The following TNS3 variants were observed in gnomAD, a reference collection of about 807,000 sequenced individuals.
TNS3 encodes the protein tensin-3.
TNS3 carries 45 observed loss-of-function variants against 140.9 expected under a neutral mutation model. That is an observed-to-expected ratio of 0.32 (90% CI 0.25 to 0.41). The LOEUF (loss-of-function observed/expected upper bound fraction) is 0.41, where lower values mean the gene tolerates loss of function less well. Among genes scored for constraint, TNS3 ranks in the 10% least tolerant of loss-of-function variants. The probability of loss-of-function intolerance (pLI) is 1.00; values close to 1 mark genes in which losing one functional copy is unlikely to be tolerated. For missense variants in TNS3, 1,716 were observed against 1,906.7 expected, an observed-to-expected ratio of 0.90 and a Z score of 1.86; for synonymous variants, 815 against 788.4, an observed-to-expected ratio of 1.03 and a Z score of -0.56.
chr7:47,325,085 G>C lies in TNS3; in HGVS notation c.2650+19670C>G, dbSNP rs114252885. Among the ~76,000 whole-genome samples the C allele has an allele frequency of 1.9e-3, 286 of 152,192 alleles. 1 individual carries two copies. Among genetic ancestry groups the C allele is most frequent in the Middle Eastern group, 3.4e-3 (1 of 294 alleles). ...GAAGCATGATGGACCGTGTGGTTTT[G>C]TGTATCCATTACTCCCATCAACAGA... On this transcript the variant is annotated intron_variant, in intron 20 of 30. Coordinates refer to ENST00000311160, the MANE Select transcript of TNS3 (RefSeq NM_022748.12).
intron 20 of TNS3, among the ~76,000 whole-genome samples, chr7:47,330,347 CT>C (rs1380454453): frequency 3.9e-5 from 6 of 152,220 alleles, no homozygotes; most frequent in African/African-American, 1.4e-4. Flanking sequence ...GGCTCAGGCC[CT>C]TTGCAGGCAT....
In TNS3 at chr7:47,407,741, A is replaced by C. The variant is rs1008101739; in HGVS notation, c.723+3986T>G. On this transcript the variant is annotated intron_variant, in intron 13 of 30. Transcript: ENST00000311160. This position sits in a 1 kb window ranked among gnomAD's most constrained non-coding sequence, Gnocchi z 4.1. ...AATGAATGATAACTGGTGTCCTTGT[A>C]AGAAGAGATGAGGACATAGACACAC... 1.3e-5 allele frequency among the ~76,000 whole-genome samples: 2 copies of C among 152,142 alleles called. No individual in the cohort carries two copies. The highest frequency in any genetic ancestry group is 2.9e-5 in the Non-Finnish European group (2 of 68,020).
chr7:47,359,889 G>A (rs960406272), intron 17 of TNS3, among the ~76,000 whole-genome samples: 1 of 152,282 alleles, frequency 6.6e-6, no homozygotes, highest in Non-Finnish European at 1.5e-5. Context: ...GGACTGAGCA[G>A]AAGGTGGGCT....
chr7:47,534,031 T>C lies in TNS3; in HGVS notation c.-264-4884A>G, dbSNP rs775559083. ...GCTCATGCCTGTAATCCCAGCATTT[T>C]GGGACGCCGAGGCGGGTTGATCACC... On this transcript the variant is annotated intron_variant, in intron 1 of 30. Coordinates refer to ENST00000311160, the MANE Select transcript of TNS3 (RefSeq NM_022748.12). 3.9e-5 allele frequency among the ~76,000 whole-genome samples: 6 copies of C among 152,238 alleles called. No individual in the cohort carries two copies. The Middle Eastern group carries it at 0.01, about 259-fold the overall frequency.
chr7:47,427,576 G>T (rs1794723845), intron 9 of TNS3, among the ~76,000 whole-genome samples: 1 of 152,142 alleles, frequency 6.6e-6, no homozygotes, highest in Admixed American at 6.5e-5. Context: ...TCTGGGAAGG[G>T]TCCGGGTGTA....
At chr7:47,442,273 G>A (rs993566775) in intron 4 of TNS3, among the ~76,000 whole-genome samples, 4 of 152,226 alleles carry the variant, frequency 2.6e-5, no homozygotes, top group Non-Finnish European at 4.4e-5. Context: ...ACCAGCATCA[G>A]GACGGGCTTT....
At chr7:47,347,076 C>T (rs780541864) in intron 17 of TNS3, among the ~76,000 whole-genome samples, 1 of 152,184 alleles carries the variant, frequency 6.6e-6, no homozygotes, top group African/African-American at 2.4e-5. Flanking sequence ...GAAAAACCTG[C>T]TGCCGGCTAT....
chr7:47,472,894 T>G (rs376466752), intron 4 of TNS3, among the ~76,000 whole-genome samples: 5,785 of 151,918 alleles, frequency 0.038, 161 homozygotes, highest in Non-Finnish European at 0.059. Flanking sequence ...GAGATGGGGG[T>G]GAGGGTCATC....
At chr7:47,522,154 T>C (rs977888781) in intron 2 of TNS3, among the ~76,000 whole-genome samples, 24 of 152,302 alleles carry the variant, frequency 1.6e-4, no homozygotes, top group African/African-American at 5.5e-4. Flanking sequence ...GGGGACACCA[T>C]ATCCCCCGCC....
chr7:47,445,053 A>T (rs1186608626), intron 4 of TNS3, among the ~76,000 whole-genome samples: 1 of 152,184 alleles, frequency 6.6e-6, no homozygotes, highest in Admixed American at 6.5e-5. Context: ...GGAGGAATTC[A>T]GCCCGTCCCC....
intron 30 of TNS3, chr7:47,279,067 G>A (rs967817816): frequency 6.6e-5 from 10 of 152,392 alleles, no homozygotes; most frequent in African/African-American, 2.4e-4. Flanking sequence ...GTGGGAGTGT[G>A]CCCAGAACAC....
intron 4 of TNS3, among the ~76,000 whole-genome samples, chr7:47,477,843 T>C (rs373218077): frequency 1.3e-4 from 20 of 152,302 alleles, no homozygotes; most frequent in African/African-American, 3.8e-4. Context: ...GAAACCCTCC[T>C]GCCCAAGCTC....
intron 4 of TNS3, among the ~76,000 whole-genome samples, chr7:47,459,984 T>G (rs1238967840): frequency 6.6e-6 from 1 of 151,942 alleles, no homozygotes; most frequent in East Asian, 1.9e-4. Context: ...CCTAATCCAG[T>G]ATGAGTGGTG....
At chr7:47,561,873 C>T (rs1800325430) in intron 1 of TNS3, among the ~76,000 whole-genome samples, 1 of 152,134 alleles carries the variant, frequency 6.6e-6, no homozygotes, top group Non-Finnish European at 1.5e-5. Flanking sequence ...ACTATGCAGA[C>T]AGAAAGGCCA....
intron 1 of TNS3, among the ~76,000 whole-genome samples, chr7:47,556,716 G>A (rs1800205117): frequency 6.6e-6 from 1 of 152,204 alleles, no homozygotes; most frequent in Non-Finnish European, 1.5e-5. Context: ...CAAAGCAGAG[G>A]CATAACAGCT....
chr7:47,550,883 G>C (rs1800042457), intron 1 of TNS3, among the ~76,000 whole-genome samples: 1 of 152,128 alleles, frequency 6.6e-6, no homozygotes, highest in South Asian at 2.1e-4. Context: ...AAACAAAACA[G>C]ACCTAAGTTT....
At chr7:47,474,154 TAAA>T (rs1380763378) in intron 4 of TNS3, among the ~76,000 whole-genome samples, 1 of 94,396 alleles carries the variant, frequency 1.1e-5, no homozygotes, top group Non-Finnish European at 2.2e-5. Flanking sequence ...ACAACACACA[TAAA>T]AAAACCTCAC....
intron 1 of TNS3, among the ~76,000 whole-genome samples, chr7:47,565,902 G>A (rs1020780232): frequency 6.6e-6 from 1 of 152,156 alleles, no homozygotes; most frequent in Non-Finnish European, 1.5e-5. Context: ...TCACACGGGC[G>A]CTGGGAGGCT....
chr7:47,303,029 G>A lies in TNS3; in HGVS notation c.3378C>T (p.Ser1126=), dbSNP rs369933759. 116 of 1,614,072 alleles carry A rather than the reference G, an allele frequency of 7.2e-5. No individual in the cohort carries two copies. The Middle Eastern group carries it at 4.8e-3, about 67-fold the overall frequency. The part of the protein sequence containing the change: ...PSSSGFSSPH[S]GSTISIPFPN... The stretch of plus-strand genomic sequence containing the variant: ...GGAAGGGGATACTGATGGTGCTCCC[G>A]CTGTGCGGGCTGGAGAAGCCACTGG... The change falls in exon 22 of 31, where the codon AGC becomes AGT. Residue 1126 remains serine (S), a synonymous_variant. Transcript: ENST00000311160.
Sources: allele counts gnomAD v4.1 joint callset (sites outside exome capture counted in the v4.1 genomes callset), GRCh38; gene constraint gnomAD v4.1.1; non-coding constraint Gnocchi (gnomAD v3.1); transcripts MANE v1.5; gene names NCBI Gene and HGNC (gene_info 2026-07-23, HGNC 2026-07-21).